AUH: variants seen among roughly 807,000 people sequenced by gnomAD.
The protein encoded by AUH is AU RNA binding methylglutaconyl-CoA hydratase, also known as methylglutaconyl-CoA hydratase, mitochondrial.
Under a neutral mutation model 42.3 loss-of-function variants are expected in AUH, and 29 were observed. That is an observed-to-expected ratio of 0.69 (90% CI 0.51 to 0.93). The LOEUF is 0.93. AUH is among the 40% of genes least tolerant of loss of function. AUH has a pLI of 0.00. For synonymous variants in AUH, 174 were observed against 166.4 expected (o/e 1.05, Z -0.35); for missense variants, 452 against 438.1 (o/e 1.03, Z -0.28).
intron 6 of AUH, among the ~76,000 whole-genome samples, chr9:91,251,876 G>A (rs1387975472): frequency 2.0e-5 from 3 of 152,138 alleles, no homozygotes; most frequent in South Asian, 2.1e-4. Context: ...ACTGTTAAAC[G>A]GTTCAAGTCT....
intron 6 of AUH, among the ~76,000 whole-genome samples, chr9:91,254,708 C>A (rs1283162290): frequency 6.6e-6 from 1 of 152,198 alleles, no homozygotes; most frequent in Non-Finnish European, 1.5e-5. Context: ...ATATTGGCAA[C>A]CATTCGTATG....
At chr9:91,237,732 C>A (rs1292151096) in intron 6 of AUH, among the ~76,000 whole-genome samples, 1 of 152,150 alleles carries the variant, frequency 6.6e-6, no homozygotes, top group Admixed American at 6.5e-5. Context: ...TTTGACATGA[C>A]CAAAATAGTC....
At chr9:91,216,277 G>A (rs756151590) in intron 8 of AUH, among the ~76,000 whole-genome samples, 171 bp from the exon 9 acceptor site, 4 of 152,116 alleles carry the variant, frequency 2.6e-5, no homozygotes, top group Non-Finnish European at 4.4e-5. Context: ...TCCTGGGTTC[G>A]TCCTGACTCC....
chr9:91,217,156 G>T, intron 8 of AUH, 121 bp downstream of exon 8: 2 of 1,013,022 alleles, frequency 2.0e-6, no homozygotes, highest in Non-Finnish European at 3.0e-6. Context: ...TTCAGTAATA[G>T]TAGCATTTAA....
intron 6 of AUH, among the ~76,000 whole-genome samples, chr9:91,291,081 G>A (rs1375754314): frequency 3.3e-5 from 5 of 152,110 alleles, no homozygotes; most frequent in Middle Eastern, 3.2e-3. Context: ...ATGGCTTCCC[G>A]TGGCTGCCGA....
intron 3 of AUH, among the ~76,000 whole-genome samples, chr9:91,343,715 G>A: frequency 6.6e-6 from 1 of 152,304 alleles, no homozygotes; most frequent in East Asian, 1.9e-4. Context: ...CTGGGTGACA[G>A]AGCAAGACCC....
At chr9:91,318,323 T>C (rs568809753) in intron 4 of AUH, among the ~76,000 whole-genome samples, 1 of 152,258 alleles carries the variant, frequency 6.6e-6, no homozygotes, top group Admixed American at 6.5e-5. Context: ...CTTTTAGAAA[T>C]TTTTTTTCCT....
At chr9:91,318,025 T>C (rs1448039601) in intron 4 of AUH, among the ~76,000 whole-genome samples, 1 of 152,222 alleles carries the variant, frequency 6.6e-6, no homozygotes, top group Admixed American at 6.5e-5. Flanking sequence ...AGTGAGGCTG[T>C]CTCCTCCTAT....
At chr9:91,219,464 TAG>T (rs1827011579) in intron 7 of AUH, among the ~76,000 whole-genome samples, 1 of 152,260 alleles carries the variant, frequency 6.6e-6, no homozygotes, top group Non-Finnish European at 1.5e-5. Flanking sequence ...TGTCTTTAGG[TAG>T]AGACTTCTCT....
chr9:91,275,596 A>T (rs1715387359), intron 6 of AUH, among the ~76,000 whole-genome samples: 2 of 152,182 alleles, frequency 1.3e-5, no homozygotes, highest in Admixed American at 1.3e-4. Context: ...GAATCTTAAC[A>T]CGGCATCAGG....
At chr9:91,334,402 A>G (rs946964198) in intron 3 of AUH, among the ~76,000 whole-genome samples, 15 of 152,208 alleles carry the variant, frequency 9.9e-5, no homozygotes, top group African/African-American at 3.1e-4. Flanking sequence ...ACAAAAGGTG[A>G]AGGAGGAAGG....
At chr9:91,255,537 C>T (rs1284371131) in intron 6 of AUH, among the ~76,000 whole-genome samples, 3 of 152,130 alleles carry the variant, frequency 2.0e-5, no homozygotes, top group Non-Finnish European at 4.4e-5. Context: ...AATAACCAAA[C>T]CTCACAGCAA....
Position 91,332,847 on chromosome 9 carries a change from G to A in AUH, c.419-7443C>T, listed in dbSNP as rs185076372. ...AAATGGGGGCGTGAGCATGGCCCGA[G>A]GGCAGAGTTTTCAGCCCTCTGCTGT... is the stretch of plus-strand genomic sequence containing the variant. On this transcript the variant is annotated intron_variant, in intron 3 of 9. Transcript: ENST00000375731. Among the ~76,000 whole-genome samples the A allele has an allele frequency of 1.9e-3, 297 of 152,348 alleles. 1 individual carries two copies. Among genetic ancestry groups the A allele is most frequent in the African/African-American group, 6.7e-3 (280 of 41,584 alleles).
rs191466707 is a variant in AUH at position 91,271,837 on chromosome 9, C to T, written c.655+24184G>A. ...CTGGTATTACAGGCGCCCGCCACCACGCCCGGCTAATTCTTTGTATTTTTA... is the reference window on the plus strand; with the variant it reads ...CTGGTATTACAGGCGCCCGCCACCATGCCCGGCTAATTCTTTGTATTTTTA... On this transcript the variant is annotated intron_variant, in intron 6 of 9. Transcript: ENST00000375731. Among the ~76,000 whole-genome samples, 59 of 152,264 alleles carry T rather than the reference C, an allele frequency of 3.9e-4. 1 individual carries two copies. Among genetic ancestry groups the T allele is most frequent in the Admixed American group, 9.8e-4 (15 of 15,300 alleles).
In AUH at chr9:91,345,896, A is replaced by G. The variant is rs1190458020; in HGVS notation, c.418+9987T>C. ...TAACTCACACATATACTGTCAACTG[A>G]TATTTTAGACAGGTCCCAAAATAAT... On this transcript the variant is annotated intron_variant, in intron 3 of 9. Transcript: ENST00000375731. Among the ~76,000 whole-genome samples the G allele has an allele frequency of 3.3e-5, 5 of 151,658 alleles. No homozygotes were observed. In the East Asian group the frequency reaches 9.6e-4, roughly 29 times the overall value.
At chr9:91,326,902 A>G (rs184795268) in intron 3 of AUH, among the ~76,000 whole-genome samples, 2 of 152,274 alleles carry the variant, frequency 1.3e-5, no homozygotes, top group East Asian at 3.9e-4. Context: ...TTGGTGCCAA[A>G]CTGTTCTTTG....
intron 6 of AUH, among the ~76,000 whole-genome samples, chr9:91,235,279 G>C (rs1273427589): frequency 6.6e-6 from 1 of 152,184 alleles, no homozygotes; most frequent in Non-Finnish European, 1.5e-5. Flanking sequence ...ATGGCAGCTT[G>C]GACCGAGACA....
chr9:91,235,291 C>A (rs564642258), intron 6 of AUH, among the ~76,000 whole-genome samples: 1 of 152,136 alleles, frequency 6.6e-6, no homozygotes, highest in Non-Finnish European at 1.5e-5. Flanking sequence ...ACCGAGACAG[C>A]GCAAGGTAGG....
intron 4 of AUH, among the ~76,000 whole-genome samples, chr9:91,319,150 A>G (rs73497178): frequency 0.021 from 3,137 of 152,228 alleles, 104 homozygotes; most frequent in African/African-American, 0.071. Flanking sequence ...CACTGTAAAG[A>G]GCACGGCCTT....
Sources: allele counts gnomAD v4.1 joint callset (sites outside exome capture counted in the v4.1 genomes callset), GRCh38; gene constraint gnomAD v4.1.1; transcripts MANE v1.5; gene names NCBI Gene and HGNC (gene_info 2026-07-23, HGNC 2026-07-21).